The following PLXDC1 variants were observed in gnomAD, a reference collection of about 807,000 sequenced individuals.
The protein encoded by PLXDC1 is plexin domain-containing protein 1.
PLXDC1 carries 39 observed loss-of-function variants against 61.3 expected under a neutral mutation model. That is an observed-to-expected ratio of 0.64 (90% CI 0.49 to 0.83). PLXDC1 has a LOEUF of 0.83. Among genes scored for constraint, PLXDC1 ranks in the 40% least tolerant of loss-of-function variants. PLXDC1 has a pLI of 0.00. For synonymous variants in PLXDC1, 212 were observed against 254.5 expected (o/e 0.83, Z 1.59); for missense variants, 596 against 666.5 (o/e 0.89, Z 1.17).
intron 7 of PLXDC1, among the ~76,000 whole-genome samples, chr17:39,090,642 C>T (rs909351983): frequency 6.6e-6 from 1 of 152,184 alleles, no homozygotes; most frequent in Non-Finnish European, 1.5e-5. Context: ...TGGTGTTGTC[C>T]TGAGAATTAA....
Position 39,067,578 on chromosome 17 carries a change from C to T in PLXDC1, c.*262G>A, listed in dbSNP as rs1259867278. ...TAGTTCTTCTGCTGTTTCATGGTTA[C>T]AAGACACAGAAGAGAACCCTTGCAT... On this transcript the variant is annotated 3_prime_UTR_variant, in exon 14 of 14. Coordinates refer to ENST00000315392, the MANE Select transcript of PLXDC1 (RefSeq NM_020405.5). 1 of 363,008 alleles carries T rather than the reference C, an allele frequency of 2.8e-6. No individual in the cohort carries two copies. The highest frequency in any genetic ancestry group is 5.0e-6 in the Non-Finnish European group (1 of 200,414). The allele number at this position is 363,008 out of a possible 1,614,324, so 22.5% of individuals were successfully genotyped here.
chr17:39,094,063 G>A (rs1265113305), intron 7 of PLXDC1, among the ~76,000 whole-genome samples: 1 of 152,176 alleles, frequency 6.6e-6, no homozygotes, highest in Non-Finnish European at 1.5e-5. Context: ...AGTGGGATCT[G>A]ACAGAGATTG....
Position 39,067,771 on chromosome 17 carries a change from C to T in PLXDC1, c.*69G>A, listed in dbSNP as rs557760030. On this transcript the variant is annotated 3_prime_UTR_variant, in exon 14 of 14. Coordinates refer to ENST00000315392, the MANE Select transcript of PLXDC1 (RefSeq NM_020405.5). The stretch of plus-strand genomic sequence containing the variant: ...CATGCTGGGAGAGGCCAGGAAAAGT[C>T]ACTTCTCTTCTTTGCTTTAACTGTC... 7 of 1,490,578 alleles carry T rather than the reference C, an allele frequency of 4.7e-6. No individual in the cohort carries two copies. In the East Asian group the frequency reaches 1.2e-4, roughly 25 times the overall value. 92.3% of individuals were successfully genotyped at this position (1,490,578 alleles called of 1,614,324 possible). A position where few individuals can be genotyped will look rare whatever the true frequency, so the allele number is the denominator to read the frequency against.
intron 9 of PLXDC1, among the ~76,000 whole-genome samples, chr17:39,081,635 A>G (rs1419457807): frequency 6.6e-6 from 1 of 150,668 alleles, no homozygotes; most frequent in Non-Finnish European, 1.5e-5. Context: ...TCAAAAAAAA[A>G]AAAAATGCTT....
At chr17:39,079,074 G>A (rs753314238) in intron 10 of PLXDC1, 30 bp downstream of exon 10, 5 of 1,594,164 alleles carry the variant, frequency 3.1e-6, no homozygotes, top group Non-Finnish European at 4.3e-6. Context: ...ACCTGGCACA[G>A]GAGTTGCAGC....
In PLXDC1 at chr17:39,087,650, G is replaced by C. The variant is rs1298819938; in HGVS notation, c.864C>G (p.Ser288Arg). ...FEYHRIELDPSKVTSMSAVEF... is the reference protein window; with the variant it reads ...FEYHRIELDPRKVTSMSAVEF... Reference sequence around the variant, plus strand: ...CCACGGCCGACATGCTGGTGACCTTGCTGGGGTCCAGCTCTATGCGGTGAT... The same window carrying C: ...CCACGGCCGACATGCTGGTGACCTTCCTGGGGTCCAGCTCTATGCGGTGAT... The change falls in exon 8 of 14, where the codon AGC becomes AGG. Residue 288 changes from serine to arginine, a missense_variant. Ser to Arg is a moderately radical substitution (Grantham distance 110). Coordinates refer to ENST00000315392, the MANE Select transcript of PLXDC1 (RefSeq NM_020405.5). 6.2e-7 allele frequency: 1 copy of C among 1,614,100 alleles called. No homozygotes were observed. The highest frequency in any genetic ancestry group is 8.5e-7 in the Non-Finnish European group (1 of 1,179,994).
At chr17:39,107,972 G>T in intron 5 of PLXDC1, 151 bp downstream of exon 5, 1 of 938,354 alleles carries the variant, frequency 1.1e-6, no homozygotes. Flanking sequence ...GCCCCTATCT[G>T]ACAGGTCAGG....
At chr17:39,123,889 G>T (rs974929720) in intron 2 of PLXDC1, among the ~76,000 whole-genome samples, 3 of 152,022 alleles carry the variant, frequency 2.0e-5, no homozygotes, top group Middle Eastern at 6.3e-3. Context: ...AACCAAGGAC[G>T]TCCTGCAGGG....
At chr17:39,137,689 A>G (rs947888369) in intron 2 of PLXDC1, 1 of 152,238 alleles carries the variant, frequency 6.6e-6, no homozygotes, top group African/African-American at 2.4e-5. Flanking sequence ...CCTCTGTGCA[A>G]CCTTTCCCAG....
chr17:39,106,338 C>T (rs1279994146), intron 6 of PLXDC1, among the ~76,000 whole-genome samples: 1 of 152,128 alleles, frequency 6.6e-6, no homozygotes, highest in Non-Finnish European at 1.5e-5. Context: ...TGTCACCCTT[C>T]TCCTAAATTA....
intron 13 of PLXDC1, among the ~76,000 whole-genome samples, chr17:39,068,799 T>C (rs1210105233): frequency 6.6e-6 from 1 of 152,246 alleles, no homozygotes; most frequent in East Asian, 1.9e-4. Flanking sequence ...TGACTAAGCC[T>C]CCTAAGAAAC....
intron 2 of PLXDC1, among the ~76,000 whole-genome samples, chr17:39,126,073 G>A (rs1050325935): frequency 3.9e-5 from 6 of 152,132 alleles, no homozygotes; most frequent in Admixed American, 1.3e-4. Context: ...GGCCAACATA[G>A]TGAAACCCTG....
At chr17:39,098,468 C>T (rs1910302951) in intron 7 of PLXDC1, among the ~76,000 whole-genome samples, 1 of 152,148 alleles carries the variant, frequency 6.6e-6, no homozygotes, top group South Asian at 2.1e-4. Context: ...CTTGTAGTTA[C>T]TCATTTTCTA....
intron 2 of PLXDC1, among the ~76,000 whole-genome samples, chr17:39,118,084 CCCTTCCTTCCTT>C (rs56223337): frequency 0.016 from 1,612 of 101,900 alleles, 37 homozygotes; most frequent in African/African-American, 0.058. Context: ...CTCCCTCCCT[CCCTTCCTTCCTT>C]CCTTCCTTCC....
chr17:39,088,811 T>C (rs1201544297), intron 7 of PLXDC1, among the ~76,000 whole-genome samples: 1 of 151,072 alleles, frequency 6.6e-6, no homozygotes, highest in East Asian at 1.9e-4. Context: ...TAGCTGGGTG[T>C]GGTGGTACAC....
chr17:39,075,370 C>T (rs182325259), intron 11 of PLXDC1, among the ~76,000 whole-genome samples: 1 of 152,314 alleles, frequency 6.6e-6, no homozygotes, highest in East Asian at 1.9e-4. Flanking sequence ...TCGGAATCTG[C>T]CTCACTTTTT....
intron 2 of PLXDC1, among the ~76,000 whole-genome samples, chr17:39,135,010 G>A (rs1034330480): frequency 2.6e-5 from 4 of 152,156 alleles, no homozygotes; most frequent in African/African-American, 9.7e-5. Context: ...TTTTCCTCGT[G>A]AGCTGCTGCT....
chr17:39,086,552 A>T (rs1168448909), intron 8 of PLXDC1, among the ~76,000 whole-genome samples: 2 of 151,726 alleles, frequency 1.3e-5, no homozygotes, highest in Non-Finnish European at 2.9e-5. Context: ...CCAACACTGG[A>T]CATGGTGGCT....
In PLXDC1 at chr17:39,078,032, C is replaced by T; in HGVS notation, c.1067G>A (p.Cys356Tyr). Residue 356 changes from cysteine (C) to tyrosine (Y), a missense_variant, in exon 11 of 14, where the codon TGC becomes TAC. Coordinates refer to ENST00000315392, the MANE Select transcript of PLXDC1 (RefSeq NM_020405.5). Reference sequence around the variant, plus strand: ...GTGGTCCTCATCCTGGAAGTCCTCGCACATCCTGCCCTCTGCCTGCAGGAG... The same window carrying T: ...GTGGTCCTCATCCTGGAAGTCCTCGTACATCCTGCCCTCTGCCTGCAGGAG... The part of the protein sequence containing the change: ...GCAQEAEGRM[C>Y]EDFQDEDHDS... The T allele has an allele frequency of 6.2e-7, 1 of 1,609,492 alleles. No individual in the cohort carries two copies.
Sources: gnomAD v4.1 joint callset for allele counts (sites outside exome capture counted in the v4.1 genomes callset) on GRCh38, gnomAD v4.1.1 for gene constraint, MANE v1.5 for transcripts, NCBI Gene and HGNC (gene_info 2026-07-23, HGNC 2026-07-21) for gene names.